The following EYA1 variants were observed in gnomAD, a reference collection of about 807,000 sequenced individuals.
The protein encoded by EYA1 is protein phosphatase EYA1.
In EYA1, 16 loss-of-function variants were observed where a neutral mutation model predicts 82.0. The ratio of observed to expected loss-of-function variants is 0.20; its 90% CI spans 0.13 to 0.30. The LOEUF is 0.30. Ranked by LOEUF, EYA1 falls within the 10% of genes least tolerant of loss-of-function variation. EYA1 has a pLI of 1.00. For missense variants in EYA1, 633 were observed against 730.7 expected (o/e 0.87, Z 1.54); for synonymous variants, 261 against 264.4 (o/e 0.99, Z 0.12).
intron 2 of EYA1, among the ~76,000 whole-genome samples, chr8:71,479,123 C>T (rs1328307120): frequency 1.3e-5 from 2 of 152,108 alleles, no homozygotes; most frequent in Admixed American, 1.3e-4. Context: ...CTGACCTCAC[C>T]TCCAACTTTC....
At chr8:71,211,331 T>A in intron 16 of EYA1, 75 bp from the exon 17 acceptor site, 1 of 940,414 alleles carries the variant, frequency 1.1e-6, no homozygotes. Context: ...ACTTTTTATA[T>A]AAAATGCTTT....
At chr8:71,319,058 C>T (rs111477321) in intron 6 of EYA1, among the ~76,000 whole-genome samples, 1 of 152,010 alleles carries the variant, frequency 6.6e-6, no homozygotes, top group Admixed American at 6.6e-5. Context: ...GGATTTTCCA[C>T]CTCTTGCTGC....
intron 2 of EYA1, among the ~76,000 whole-genome samples, chr8:71,408,100 G>T (rs1211225054): frequency 6.6e-6 from 1 of 152,008 alleles, no homozygotes; most frequent in Non-Finnish European, 1.5e-5. Context: ...TTTCAACACA[G>T]AATTTCATAT....
At chr8:71,469,166 TA>T (rs10719071) in intron 2 of EYA1, among the ~76,000 whole-genome samples, 26,442 of 150,358 alleles carry the variant, frequency 0.18, 4,221 homozygotes, top group East Asian at 0.47. Flanking sequence ...CAGACATAAG[TA>T]AAAAAAAAAT....
chr8:71,333,194 G>C (rs923375585), intron 4 of EYA1, among the ~76,000 whole-genome samples: 8 of 152,236 alleles, frequency 5.3e-5, no homozygotes, highest in East Asian at 1.9e-4. Flanking sequence ...AAGAACAAAT[G>C]GATATTACAC....
chr8:71,215,619 G>C lies in EYA1; in HGVS notation c.1470C>G (p.His490Gln). The C allele has an allele frequency of 6.2e-7, 1 of 1,613,814 alleles. No homozygotes were observed. Among genetic ancestry groups the C allele is most frequent in the Non-Finnish European group, 8.5e-7 (1 of 1,179,684 alleles). ...GACCCCGCAGAGAGCCTCACCGGGA[G>C]TGAATGAGCGAGAGTGCTTTCAGGG... ...TLALKALSLI[H>Q]SRTNCVNILV... Residue 490 changes from histidine to glutamine, a missense_variant, in exon 15 of 18, where the codon CAC becomes CAG. Physicochemically the swap from His to Gln is conservative, Grantham distance 24 (BLOSUM62 0). Transcript: ENST00000340726.
At chr8:71,346,431 A>AATATATATAATATATATATAT (rs770393582) in intron 3 of EYA1, among the ~76,000 whole-genome samples, 44 of 105,294 alleles carry the variant, frequency 4.2e-4, no homozygotes, top group African/African-American at 1.3e-3. Context: ...TACTGCAGTG[A>AATATATATAATATATATATAT]ATATATATAT....
intron 2 of EYA1, among the ~76,000 whole-genome samples, chr8:71,410,005 A>G (rs1448317257): frequency 1.3e-5 from 2 of 151,688 alleles, no homozygotes; most frequent in Non-Finnish European, 2.9e-5. Context: ...ATCCAGCAGC[A>G]CATCAAAAAG....
intron 11 of EYA1, among the ~76,000 whole-genome samples, chr8:71,262,483 T>A (rs536778252): frequency 6.6e-6 from 1 of 152,308 alleles, no homozygotes; most frequent in African/African-American, 2.4e-5. Flanking sequence ...TGAGTATTTT[T>A]CTAGGTGGTT....
At chr8:71,245,041 G>A (rs186876940) in intron 11 of EYA1, among the ~76,000 whole-genome samples, 5 of 152,204 alleles carry the variant, frequency 3.3e-5, no homozygotes, top group Admixed American at 3.3e-4. Flanking sequence ...GAATCAAGTA[G>A]CCACTGGTTA....
At chr8:71,500,810 T>C (rs1811758569) in intron 2 of EYA1, among the ~76,000 whole-genome samples, 1 of 152,152 alleles carries the variant, frequency 6.6e-6, no homozygotes, top group South Asian at 2.1e-4. Context: ...ATTATGACTT[T>C]ATTTCTACTG....
chr8:71,471,734 G>A (rs115747994), intron 2 of EYA1, among the ~76,000 whole-genome samples: 2,658 of 152,076 alleles, frequency 0.017, 54 homozygotes, highest in African/African-American at 0.061. Context: ...CCTGATATTG[G>A]GGTTGGCTAG....
At chr8:71,367,934 A>T (rs1175021242) in intron 2 of EYA1, among the ~76,000 whole-genome samples, 1 of 152,230 alleles carries the variant, frequency 6.6e-6, no homozygotes, top group East Asian at 1.9e-4. Context: ...AGTACAATTA[A>T]ACATTTTGTG....
chr8:71,510,180 G>T (rs1175769474), intron 2 of EYA1, among the ~76,000 whole-genome samples: 2 of 152,082 alleles, frequency 1.3e-5, no homozygotes, highest in Non-Finnish European at 2.9e-5. Flanking sequence ...ACTTTATCAT[G>T]TATTCATTAG....
At chr8:71,345,042 AAGG>A (rs2129056923) in intron 3 of EYA1, among the ~76,000 whole-genome samples, 1 of 152,324 alleles carries the variant, frequency 6.6e-6, no homozygotes, top group South Asian at 2.1e-4. Context: ...CAGGATCCCA[AAGG>A]AGGAGAATAT....
chr8:71,430,091 A>G (rs1805511083), intron 2 of EYA1, among the ~76,000 whole-genome samples: 1 of 152,204 alleles, frequency 6.6e-6, no homozygotes, highest in Non-Finnish European at 1.5e-5. Flanking sequence ...TAAATTTGAA[A>G]GATATTTTAT....
At chr8:71,210,686 AAG>A (rs1394591818) in intron 17 of EYA1, among the ~76,000 whole-genome samples, 9 of 152,294 alleles carry the variant, frequency 5.9e-5, no homozygotes, top group Admixed American at 3.3e-4. Flanking sequence ...TCATGATATG[AAG>A]AAGACATCGA....
chr8:71,362,366 G>A, upstream of EYA1: 1 of 216,494 alleles, frequency 4.6e-6, no homozygotes, highest in South Asian at 1.7e-4. Flanking sequence ...TCTGAGACGT[G>A]GTCAACACAC....
chr8:71,368,605 A>G (rs1437994366), intron 2 of EYA1, among the ~76,000 whole-genome samples: 1 of 152,236 alleles, frequency 6.6e-6, no homozygotes, highest in African/African-American at 2.4e-5. Flanking sequence ...TTCTAAAGGA[A>G]AAAGACAATG....
Sources: gnomAD v4.1 joint callset for allele counts (sites outside exome capture counted in the v4.1 genomes callset) on GRCh38, gnomAD v4.1.1 for gene constraint, MANE v1.5 for transcripts, NCBI Gene and HGNC (gene_info 2026-07-23, HGNC 2026-07-21) for gene names.